MSRA: variants seen among roughly 807,000 people sequenced by gnomAD.
The protein encoded by MSRA is methionine sulfoxide reductase A.
In MSRA, 54 loss-of-function variants were observed where a neutral mutation model predicts 31.3. That is an observed-to-expected ratio of 1.73 (90% CI 1.39 to 2.17). The LOEUF is 2.17. Ranked by LOEUF, MSRA falls within the 30% of genes most tolerant of loss-of-function variation. The pLI is 0.00. For missense variants in MSRA, 507 were observed against 300.9 expected (o/e 1.69, Z -5.07); for synonymous variants, 169 against 116.5 (o/e 1.45, Z -2.90).
intron 3 of MSRA, among the ~76,000 whole-genome samples, chr8:10,281,960 C>G (rs11783281): frequency 0.19 from 28,853 of 152,106 alleles, 3,653 homozygotes; most frequent in Non-Finnish European, 0.28. Context: ...GTTTTTCAGG[C>G]TGCTCTGAAG....
intron 5 of MSRA, among the ~76,000 whole-genome samples, chr8:10,367,142 C>T (rs1041861495): frequency 2.0e-5 from 3 of 152,160 alleles, no homozygotes; most frequent in African/African-American, 7.2e-5. Flanking sequence ...TGAGACCTGA[C>T]TCATCCCTTT....
At chr8:10,187,291 T>G (rs7820236) in intron 1 of MSRA, among the ~76,000 whole-genome samples, 44 of 151,924 alleles carry the variant, frequency 2.9e-4, no homozygotes, top group African/African-American at 1.1e-3. Flanking sequence ...TTTTTACTCA[T>G]TCTTGGATGT....
intron 5 of MSRA, among the ~76,000 whole-genome samples, chr8:10,352,755 G>A (rs757890556): frequency 2.0e-5 from 3 of 152,146 alleles, no homozygotes; most frequent in Admixed American, 1.3e-4. Flanking sequence ...CAGACACGCT[G>A]CCGTCTGTGA....
chr8:10,359,977 A>G (rs981281034), intron 5 of MSRA, among the ~76,000 whole-genome samples: 7 of 151,608 alleles, frequency 4.6e-5, no homozygotes, highest in Non-Finnish European at 1.0e-4. Context: ...TACCTGGCCA[A>G]CCTCCTTCCT....
chr8:10,142,909 C>T (rs1410006768), intron 1 of MSRA, among the ~76,000 whole-genome samples: 1 of 152,114 alleles, frequency 6.6e-6, no homozygotes, highest in African/African-American at 2.4e-5. Flanking sequence ...TTTCCAAAAA[C>T]TCTAATTGAA....
At chr8:10,353,171 G>A (rs1349243221) in intron 5 of MSRA, among the ~76,000 whole-genome samples, 1 of 152,142 alleles carries the variant, frequency 6.6e-6, no homozygotes, top group African/African-American at 2.4e-5. Flanking sequence ...GAATTGTGAG[G>A]CAAAGCAATG....
At chr8:10,325,926 G>C (rs4278158) in intron 5 of MSRA, among the ~76,000 whole-genome samples, 116,426 of 152,070 alleles carry the variant, frequency 0.77, 45,844 homozygotes, top group Non-Finnish European at 0.87. Flanking sequence ...TAACACTCCT[G>C]GATTATGGTC....
chr8:10,258,450 T>C (rs4258008), intron 3 of MSRA, among the ~76,000 whole-genome samples: 31,289 of 152,186 alleles, frequency 0.21, 4,024 homozygotes, highest in Admixed American at 0.33. Context: ...GTAGGGACTA[T>C]GTCTTTTCAT....
At chr8:10,141,827 G>A (rs1305230738) in intron 1 of MSRA, among the ~76,000 whole-genome samples, 1 of 152,096 alleles carries the variant, frequency 6.6e-6, no homozygotes, top group Non-Finnish European at 1.5e-5. Flanking sequence ...TTTGCCAGGT[G>A]AAAATGGGGT....
intron 3 of MSRA, among the ~76,000 whole-genome samples, chr8:10,293,836 C>T (rs927011207): frequency 1.3e-5 from 2 of 152,132 alleles, no homozygotes; most frequent in Admixed American, 6.6e-5. Context: ...CACAGGAGAG[C>T]ACAGGCTGAG....
At chr8:10,254,879 G>C (rs1410546941) in intron 3 of MSRA, among the ~76,000 whole-genome samples, 1 of 152,202 alleles carries the variant, frequency 6.6e-6, no homozygotes. Context: ...CTAGAGATCT[G>C]GAAGCGTTTA....
chr8:10,332,714 C>T (rs1319686603), intron 5 of MSRA, among the ~76,000 whole-genome samples: 1 of 152,272 alleles, frequency 6.6e-6, no homozygotes, highest in East Asian at 1.9e-4. Flanking sequence ...GTGCTAGACT[C>T]CCTGTGTATG....
intron 5 of MSRA, among the ~76,000 whole-genome samples, chr8:10,426,037 G>C (rs889878903): frequency 6.6e-6 from 1 of 152,152 alleles, no homozygotes; most frequent in African/African-American, 2.4e-5. Flanking sequence ...CATTTCCACA[G>C]CCACCTGGCA....
chr8:10,308,310 A>C (rs1282406251), intron 4 of MSRA, among the ~76,000 whole-genome samples: 1 of 152,202 alleles, frequency 6.6e-6, no homozygotes, highest in Non-Finnish European at 1.5e-5. Flanking sequence ...CCTTAATTAA[A>C]ACGTCTTTAA....
chr8:10,391,300 C>T (rs910494852), intron 5 of MSRA, among the ~76,000 whole-genome samples: 5 of 152,128 alleles, frequency 3.3e-5, no homozygotes, highest in African/African-American at 1.2e-4. Context: ...TGCTCTGGCC[C>T]CTGACATATT....
intron 5 of MSRA, among the ~76,000 whole-genome samples, chr8:10,403,628 C>T (rs982395153): frequency 2.0e-5 from 3 of 152,240 alleles, no homozygotes; most frequent in Non-Finnish European, 2.9e-5. Context: ...GCTTGTGCCT[C>T]GTGTGTGTCT....
intron 5 of MSRA, among the ~76,000 whole-genome samples, chr8:10,411,838 CA>C (rs1808176535): frequency 6.6e-6 from 1 of 152,208 alleles, no homozygotes; most frequent in African/African-American, 2.4e-5. Context: ...AAGATTCTGC[CA>C]GCAGCTCCTA....
At chr8:10,113,309 T>TTTTTTTTTTG (rs1800435433) in intron 1 of MSRA, among the ~76,000 whole-genome samples, 1 of 119,358 alleles carries the variant, frequency 8.4e-6, no homozygotes, top group Non-Finnish European at 1.6e-5. Flanking sequence ...TTTTTTTTTT[T>TTTTTTTTTTG]TTTTTGGAGG....
intron 5 of MSRA, chr8:10,337,008 A>T (rs947101117): frequency 1.3e-5 from 2 of 152,178 alleles, no homozygotes; most frequent in African/African-American, 4.8e-5. Context: ...CCAGAAAACA[A>T]TGGTAAAGAC....
Sources: allele counts gnomAD v4.1 joint callset (sites outside exome capture counted in the v4.1 genomes callset), GRCh38; gene constraint gnomAD v4.1.1; transcripts MANE v1.5; gene names NCBI Gene and HGNC (gene_info 2026-07-23, HGNC 2026-07-21).